The following TM9SF4 variants were observed in gnomAD, a reference collection of about 807,000 sequenced individuals.
TM9SF4 encodes dinucleotide oxidase disulfide thiol exchanger 3 superfamily member 4.
A neutral mutation model predicts 90.4 loss-of-function variants in TM9SF4; 26 were observed. That is an observed-to-expected ratio of 0.29 (90% confidence interval 0.21 to 0.40). The LOEUF is 0.40. Ranked by LOEUF, TM9SF4 falls within the 10% of genes least tolerant of loss-of-function variation. The probability of loss-of-function intolerance (pLI) is 1.00; values close to 1 mark genes in which losing one functional copy is unlikely to be tolerated. For synonymous variants in TM9SF4, 293 were observed against 315.4 expected (o/e 0.93, Z 0.75); for missense variants, 549 against 834.8 (o/e 0.66, Z 4.22).
intron 9 of TM9SF4, among the ~76,000 whole-genome samples, chr20:32,149,306 G>GA (rs1211868834): frequency 1.3e-5 from 2 of 151,682 alleles, no homozygotes; most frequent in African/African-American, 2.4e-5. Context: ...TTCATAATCA[G>GA]AAAAAATAAA....
intron 1 of TM9SF4, among the ~76,000 whole-genome samples, chr20:32,118,027 C>T (rs2122316000): frequency 6.6e-6 from 1 of 152,236 alleles, no homozygotes; most frequent in South Asian, 2.1e-4. Context: ...AGGTACTTTG[C>T]TTTTTCCTTA....
At chr20:32,154,517 G>T (rs540026220) in intron 12 of TM9SF4, among the ~76,000 whole-genome samples, 1 of 151,386 alleles carries the variant, frequency 6.6e-6, no homozygotes, top group South Asian at 2.1e-4. Context: ...GCAGTGGCAC[G>T]ATCTCTGCTC....
intron 12 of TM9SF4, 96 bp downstream of exon 12, chr20:32,150,971 T>G (rs2046833528): frequency 2.0e-6 from 3 of 1,464,996 alleles, no homozygotes; most frequent in African/African-American, 1.4e-5. Context: ...TGGGGATTTT[T>G]GGGCCAGAAG....
chr20:32,140,222 C>T (rs1210157739), intron 3 of TM9SF4, among the ~76,000 whole-genome samples: 2 of 152,204 alleles, frequency 1.3e-5, no homozygotes, highest in Admixed American at 1.3e-4. Context: ...AATTGTTGAA[C>T]AGCTCAGAAT....
chr20:32,145,356 C>G lies in TM9SF4; in HGVS notation c.816C>G (p.Thr272=), dbSNP rs2046748653. The change falls in exon 8 of 18, where the codon ACC becomes ACG. Residue 272 remains threonine, a synonymous_variant. Coordinates refer to ENST00000398022, the MANE Select transcript of TM9SF4 (RefSeq NM_014742.4). ...CCTCTCGCTGGGACACTTACCTGAC[C>G]ATGAGTGACGTCCAGATCCACTGGT... ...KWASRWDTYL[T]MSDVQIHWFS... is the part of the protein sequence containing the mutation. 6.2e-7 allele frequency: 1 copy of G among 1,614,016 alleles called. No homozygotes were observed. Among genetic ancestry groups the G allele is most frequent in the African/African-American group, 1.3e-5 (1 of 74,908 alleles).
In TM9SF4 at chr20:32,165,749, G is replaced by T; in HGVS notation, c.*305G>T. 3.2e-6 allele frequency: 1 copy of T among 316,846 alleles called. No homozygotes were observed. The highest frequency in any genetic ancestry group is 6.0e-6 in the Non-Finnish European group (1 of 167,794). 19.6% of individuals were successfully genotyped at this position (316,846 alleles called of 1,614,324 possible). A position where few individuals can be genotyped will look rare whatever the true frequency, so the allele number is the denominator to read the frequency against. On this transcript the variant is annotated 3_prime_UTR_variant, in exon 18 of 18. Coordinates refer to ENST00000398022, the MANE Select transcript of TM9SF4 (RefSeq NM_014742.4). ...TTTATTCAGGTGTATTTCTGGTTTG[G>T]ATTTTTTTTTCCTTCTTTGTTTTAA...
At chr20:32,116,860 TTC>T (rs2046232060) in intron 1 of TM9SF4, among the ~76,000 whole-genome samples, 1 of 121,706 alleles carries the variant, frequency 8.2e-6, no homozygotes, top group Admixed American at 9.0e-5. Flanking sequence ...TTTTTCCTTT[TTC>T]TTTTTTTTTT....
chr20:32,123,183 G>A (rs180854709), intron 1 of TM9SF4, among the ~76,000 whole-genome samples: 1,741 of 9,122 alleles, frequency 0.19, 284 homozygotes, highest in African/African-American at 0.42. Flanking sequence ...GGGAGGGGGG[G>A]AGGGGGAGAG....
chr20:32,131,409 C>G (rs946699723), intron 1 of TM9SF4, among the ~76,000 whole-genome samples: 9 of 152,060 alleles, frequency 5.9e-5, no homozygotes, highest in Admixed American at 5.2e-4. Context: ...AAGTACAGGT[C>G]AGTCTACATT....
intron 5 of TM9SF4, among the ~76,000 whole-genome samples, chr20:32,142,413 A>C (rs1340854600): frequency 2.0e-5 from 3 of 152,192 alleles, no homozygotes; most frequent in Non-Finnish European, 4.4e-5. Context: ...GAAAGATATT[A>C]GTTAGGGAAT....
chr20:32,109,791 CG>C, intron 1 of TM9SF4, 36 bp downstream of exon 1: 1 of 1,551,358 alleles, frequency 6.4e-7, no homozygotes, highest in Non-Finnish European at 8.7e-7. Context: ...GGAGCTGGAG[CG>C]GGGCCCTCCG....
intron 1 of TM9SF4, among the ~76,000 whole-genome samples, chr20:32,121,936 C>T (rs1459090873): frequency 3.4e-5 from 5 of 145,588 alleles, no homozygotes; most frequent in Non-Finnish European, 7.7e-5. Context: ...GGGGCTGACC[C>T]CCCCCAGCTC....
chr20:32,135,450 GA>G (rs1304552097), intron 2 of TM9SF4, among the ~76,000 whole-genome samples: 51 of 152,196 alleles, frequency 3.4e-4, no homozygotes, highest in Admixed American at 3.2e-3. Flanking sequence ...GCTAATGGGA[GA>G]AACTGATTTT....
In TM9SF4 at chr20:32,139,866, C is replaced by CCT. The variant is rs1192453518; in HGVS notation, c.230-1630_230-1629dup. Among the ~76,000 whole-genome samples, 3 of 152,360 alleles carry CCT rather than the reference C, an allele frequency of 2.0e-5. No individual in the cohort carries two copies. The East Asian group carries it at 5.8e-4, about 29-fold the overall frequency. ...CATGCTGTCCTGTCTGGAATATTCT[C>CCT]CTATTTCTTTGCTCAGTTAACATCT... On this transcript the variant is annotated intron_variant, in intron 3 of 17. Transcript: ENST00000398022.
chr20:32,150,982 C>G (rs1441336922), intron 12 of TM9SF4, 107 bp downstream of exon 12: 3 of 1,351,838 alleles, frequency 2.2e-6, no homozygotes, highest in Admixed American at 2.0e-5. Flanking sequence ...GGGCCAGAAG[C>G]TGAGCAGCAG....
intron 12 of TM9SF4, among the ~76,000 whole-genome samples, chr20:32,152,318 G>C (rs149668012): frequency 6.6e-6 from 1 of 150,968 alleles, no homozygotes; most frequent in Non-Finnish European, 1.5e-5. Context: ...GATTTCCCTC[G>C]ATGGATCCTA....
chr20:32,164,901 C>T (rs979194477), intron 17 of TM9SF4, among the ~76,000 whole-genome samples: 3 of 152,294 alleles, frequency 2.0e-5, no homozygotes, highest in East Asian at 1.9e-4. Flanking sequence ...GAGGCTGAGG[C>T]GGGCTGATGG....
chr20:32,122,987 C>T (rs377387554), intron 1 of TM9SF4, among the ~76,000 whole-genome samples: 2 of 151,506 alleles, frequency 1.3e-5, no homozygotes, highest in South Asian at 2.1e-4. Flanking sequence ...GCCAACACAG[C>T]GAAACCCCGT....
At chr20:32,131,622 A>G (rs1259999956) in intron 1 of TM9SF4, among the ~76,000 whole-genome samples, 1 of 152,104 alleles carries the variant, frequency 6.6e-6, no homozygotes, top group East Asian at 1.9e-4. Flanking sequence ...GGAAATAAGC[A>G]TCTGAAATGC....
Sources: allele counts gnomAD v4.1 joint callset (sites outside exome capture counted in the v4.1 genomes callset), GRCh38; gene constraint gnomAD v4.1.1; transcripts MANE v1.5; gene names NCBI Gene and HGNC (gene_info 2026-07-23, HGNC 2026-07-21).